HACD2: variants seen among roughly 807,000 people sequenced by gnomAD.
HACD2 encodes the protein very-long-chain (3R)-3-hydroxyacyl-CoA dehydratase 2.
In HACD2, 15 loss-of-function variants were observed where a neutral mutation model predicts 31.0. That is an observed-to-expected ratio of 0.48 (90% CI 0.32 to 0.75). The LOEUF (loss-of-function observed/expected upper bound fraction) is 0.75. Among genes scored for constraint, HACD2 ranks in the 30% least tolerant of loss-of-function variants. The probability of loss-of-function intolerance (pLI) is 0.03; values close to 1 mark genes in which losing one functional copy is unlikely to be tolerated. For missense variants in HACD2, 283 were observed against 313.0 expected (o/e 0.90, Z 0.72); for synonymous variants, 115 against 122.2 (o/e 0.94, Z 0.39).
chr3:123,536,449 G>A (rs1576759587), intron 3 of HACD2, among the ~76,000 whole-genome samples: 3 of 152,244 alleles, frequency 2.0e-5, no homozygotes, highest in Admixed American at 2.0e-4. Flanking sequence ...GGAAACAAAA[G>A]GAAACCACCC....
intron 3 of HACD2, among the ~76,000 whole-genome samples, chr3:123,533,960 G>A (rs2056396291): frequency 6.6e-6 from 1 of 152,152 alleles, no homozygotes; most frequent in African/African-American, 2.4e-5. Context: ...AAATAGTTAT[G>A]GGAATTTATG....
At position 123,578,970 on chromosome 3, in the gene HACD2, C is replaced by T. The variant is rs190081791; in HGVS notation, c.273+3242G>A. Among the ~76,000 whole-genome samples the T allele has an allele frequency of 5.1e-3, 775 of 152,324 alleles. 2 individuals carry two copies. The highest frequency in any genetic ancestry group is 8.0e-3 in the Non-Finnish European group (541 of 68,022). On this transcript the variant is annotated intron_variant, in intron 2 of 6. Transcript: ENST00000383657. ...TAGCAAGCCTGCTCTATCGCCCAGT[C>T]CAAGGGATTACTTCCATCACTGACC...
chr3:123,582,047 C>T (rs951080528), intron 2 of HACD2, among the ~76,000 whole-genome samples, 165 bp downstream of exon 2: 1 of 152,178 alleles, frequency 6.6e-6, no homozygotes, highest in East Asian at 1.9e-4. Context: ...TCTACCCAAT[C>T]TAGAACATCA....
chr3:123,564,879 G>T (rs924469902), intron 3 of HACD2, among the ~76,000 whole-genome samples: 3 of 152,172 alleles, frequency 2.0e-5, no homozygotes, highest in African/African-American at 7.2e-5. Flanking sequence ...GGATCCTGCC[G>T]CTGGGCTCTG....
chr3:123,503,047 T>C, intron 4 of HACD2: 2 of 188,220 alleles, frequency 1.1e-5, no homozygotes, highest in South Asian at 1.2e-4. Flanking sequence ...GTGGATCACA[T>C]GAGGTCAGGA....
chr3:123,501,834 G>A (rs1045375210), intron 5 of HACD2, among the ~76,000 whole-genome samples: 3 of 152,076 alleles, frequency 2.0e-5, no homozygotes, highest in Admixed American at 6.6e-5. Flanking sequence ...GGAAACAATC[G>A]GATTATGTCC....
chr3:123,571,304 T>C (rs1049736092), intron 2 of HACD2, among the ~76,000 whole-genome samples: 1 of 152,182 alleles, frequency 6.6e-6, no homozygotes, highest in Admixed American at 6.5e-5. Flanking sequence ...CAAACACTAA[T>C]CTAGGTACTG....
chr3:123,527,140 G>A (rs2056294288), intron 4 of HACD2, among the ~76,000 whole-genome samples: 1 of 152,184 alleles, frequency 6.6e-6, no homozygotes, highest in Non-Finnish European at 1.5e-5. Flanking sequence ...TTACTACTAG[G>A]AAGAAGTTTT....
intron 3 of HACD2, among the ~76,000 whole-genome samples, chr3:123,544,492 G>A (rs1421789421): frequency 1.3e-5 from 2 of 151,998 alleles, no homozygotes; most frequent in African/African-American, 4.8e-5. Flanking sequence ...ATAAATAAAT[G>A]GCCTCAAGAA....
intron 1 of HACD2, 43 bp downstream of exon 1, chr3:123,584,830 C>T: frequency 6.9e-7 from 1 of 1,439,274 alleles, no homozygotes; most frequent in Non-Finnish European, 9.2e-7. Flanking sequence ...GGGCTCCCTC[C>T]CCGGCCGCGC....
intron 4 of HACD2, among the ~76,000 whole-genome samples, chr3:123,507,629 A>AT (rs1252513268): frequency 2.0e-5 from 3 of 152,190 alleles, no homozygotes; most frequent in African/African-American, 7.2e-5. Flanking sequence ...ATAAAAGGGC[A>AT]TAAGGTCTCC....
Position 123,492,436 on chromosome 3 carries a change from G to A in HACD2, c.*2452C>T, listed in dbSNP as rs2055775881. 1 of 152,294 alleles carries A rather than the reference G, an allele frequency of 6.6e-6. No homozygotes were observed. Among genetic ancestry groups the A allele is most frequent in the South Asian group, 2.1e-4 (1 of 4,824 alleles). 9.4% of individuals were successfully genotyped at this position (152,294 alleles called of 1,614,324 possible). ...GTTCTCAATTTATAAAATAATAAAT[G>A]ACTTCAAAGGAGAAATGAATTCATG... On this transcript the variant is annotated 3_prime_UTR_variant, in exon 7 of 7. Transcript: ENST00000383657.
At chr3:123,570,593 T>C (rs1490809957) in intron 2 of HACD2, among the ~76,000 whole-genome samples, 3 of 152,246 alleles carry the variant, frequency 2.0e-5, no homozygotes, top group Admixed American at 2.0e-4. Context: ...AGCTAGGTCT[T>C]ATTTATTTAT....
At position 123,500,643 on chromosome 3, in the gene HACD2, A is replaced by G; in HGVS notation, c.554T>C (p.Leu185Pro). 1 of 1,613,422 alleles carries G rather than the reference A, an allele frequency of 6.2e-7. No homozygotes were observed. Among genetic ancestry groups the G allele is most frequent in the East Asian group, 2.2e-5 (1 of 44,878 alleles). The change falls in exon 6 of 7, where the codon CTC becomes CCC. Residue 185 changes from leucine to proline, a missense_variant. By Grantham distance (98) the Leu-to-Pro change is moderately conservative (BLOSUM62 -3). Coordinates refer to ENST00000383657, the MANE Select transcript of HACD2 (RefSeq NM_198402.5). ...LYPMGVSGEL[L>P]TIYAALPFVR... ...AAAGGGCAGAGCTGCATATATTGTG[A>G]GCAGTTCTCCTGACACTCCCATTGG...
Position 123,494,742 on chromosome 3 carries a change from C to T in HACD2, c.*146G>A. ...AAAATAAAATCTCAGGCCCATGTGA[C>T]ACTGGATTTTTGTTTTAGTTTTGTT... is the stretch of plus-strand genomic sequence containing the variant. On this transcript the variant is annotated 3_prime_UTR_variant, in exon 7 of 7. Coordinates refer to ENST00000383657, the MANE Select transcript of HACD2 (RefSeq NM_198402.5). 3.0e-6 allele frequency: 2 copies of T among 669,506 alleles called. No individual in the cohort carries two copies. Among genetic ancestry groups the T allele is most frequent in the Non-Finnish European group, 5.2e-6 (2 of 382,288 alleles). The allele number at this position is 669,506 out of a possible 1,614,324, so 41.5% of individuals were successfully genotyped here.
chr3:123,537,485 A>C (rs2056440163), intron 3 of HACD2, among the ~76,000 whole-genome samples: 1 of 151,736 alleles, frequency 6.6e-6, no homozygotes, highest in Non-Finnish European at 1.5e-5. Flanking sequence ...GGAACGCTTG[A>C]ACCAGGAGTT....
intron 3 of HACD2, among the ~76,000 whole-genome samples, chr3:123,537,668 C>T (rs961816029): frequency 6.6e-6 from 1 of 151,438 alleles, no homozygotes; most frequent in Non-Finnish European, 1.5e-5. Context: ...TGAAAAATGT[C>T]TTTTTCATGA....
At chr3:123,549,593 C>A (rs2056596971) in intron 3 of HACD2, among the ~76,000 whole-genome samples, 1 of 152,036 alleles carries the variant, frequency 6.6e-6, no homozygotes, top group Non-Finnish European at 1.5e-5. Context: ...ACCAAAAATA[C>A]AAAACTTAGC....
chr3:123,565,818 T>C (rs1182010057), intron 3 of HACD2, among the ~76,000 whole-genome samples: 2 of 152,216 alleles, frequency 1.3e-5, no homozygotes, highest in Non-Finnish European at 2.9e-5. Flanking sequence ...TTAAGATTTA[T>C]TTAACCGTTT....
Sources: gnomAD v4.1 joint callset for allele counts (sites outside exome capture counted in the v4.1 genomes callset) on GRCh38, gnomAD v4.1.1 for gene constraint, MANE v1.5 for transcripts, NCBI Gene and HGNC (gene_info 2026-07-23, HGNC 2026-07-21) for gene names.